Variants in ANKFY1 observed in about 807,000 individuals in gnomAD.
The protein encoded by ANKFY1 is ankyrin repeat and FYVE domain containing 1, also known as ankyrin repeat and FYVE domain-containing protein 1.
In ANKFY1, 47 loss-of-function variants were observed where a neutral mutation model predicts 128.3. The ratio of observed to expected loss-of-function variants is 0.37; its 90% confidence interval spans 0.29 to 0.47. The LOEUF is 0.47. Ranked by LOEUF, ANKFY1 falls within the 20% of genes least tolerant of loss-of-function variation. ANKFY1 has a pLI of 1.00. For synonymous variants in ANKFY1, 553 were observed against 601.6 expected, an observed-to-expected ratio of 0.92 and a Z score of 1.18; for missense variants, 1,222 against 1,510.6, an observed-to-expected ratio of 0.81 and a Z score of 3.17.
chr17:4,228,369 T>C (rs2060459567), intron 3 of ANKFY1, among the ~76,000 whole-genome samples: 1 of 151,904 alleles, frequency 6.6e-6, no homozygotes, highest in South Asian at 2.1e-4. Context: ...AGGGATGGAT[T>C]GCAAAGAGAC....
intron 3 of ANKFY1, among the ~76,000 whole-genome samples, chr17:4,228,067 T>C (rs2060454326): frequency 6.6e-6 from 1 of 151,964 alleles, no homozygotes; most frequent in Non-Finnish European, 1.5e-5. Context: ...TTCTTGCTAA[T>C]AAAACCCAGA....
At chr17:4,186,790 A>G in intron 11 of ANKFY1, 1 of 985,336 alleles carries the variant, frequency 1.0e-6, no homozygotes, top group Middle Eastern at 5.2e-4. Flanking sequence ...GTGCTGATCT[A>G]CTCCACGGCT....
rs115031852 is a variant in ANKFY1 at position 4,176,358 on chromosome 17, G to A, written c.2775+768C>T. Among the ~76,000 whole-genome samples the A allele has an allele frequency of 5.1e-3, 778 of 152,308 alleles. 6 individuals are homozygous for A. The highest frequency in any genetic ancestry group is 0.018 in the African/African-American group (757 of 41,554). On this transcript the variant is annotated intron_variant, in intron 19 of 24. Transcript: ENST00000341657. ...TCTGGGGCTGACAGGAGGGACCAGCGACAGCCAGCTCTGAGGAGCAGAGAC... is the reference window on the plus strand; with the variant it reads ...TCTGGGGCTGACAGGAGGGACCAGCAACAGCCAGCTCTGAGGAGCAGAGAC...
At chr17:4,234,128 T>C (rs947652174) in intron 3 of ANKFY1, among the ~76,000 whole-genome samples, 8 of 152,170 alleles carry the variant, frequency 5.3e-5, no homozygotes, top group Non-Finnish European at 8.8e-5. Context: ...CTGTACAGGG[T>C]TGTAGCCTAG....
At position 4,183,805 on chromosome 17, in the gene ANKFY1, G is replaced by A; in HGVS notation, c.1798+7C>T. On this transcript the variant is annotated splice_region_variant and intron_variant, in intron 13 of 24. Transcript: ENST00000341657. Reference sequence around the variant, plus strand: ...TGCAGACATCAGCGGCCCCGGCACAGCCTTACCAGTCCATAATGCCAGGCC... The same window carrying A: ...TGCAGACATCAGCGGCCCCGGCACAACCTTACCAGTCCATAATGCCAGGCC... The A allele has an allele frequency of 1.2e-6, 2 of 1,607,512 alleles. No individual in the cohort carries two copies. Among genetic ancestry groups the A allele is most frequent in the Non-Finnish European group, 1.7e-6 (2 of 1,173,988 alleles).
chr17:4,226,165 A>G (rs903806161), intron 3 of ANKFY1, among the ~76,000 whole-genome samples: 1 of 152,228 alleles, frequency 6.6e-6, no homozygotes, highest in Admixed American at 6.5e-5. Context: ...AAAAACTGAC[A>G]AAAATTAAAA....
intron 6 of ANKFY1, 68 bp from the exon 7 acceptor site, chr17:4,206,554 C>A: frequency 1.4e-6 from 2 of 1,421,136 alleles, no homozygotes; most frequent in South Asian, 1.2e-5. Context: ...ATTTCTCCCA[C>A]CTTGACCCTT....
rs572900652 is a variant in ANKFY1 at position 4,238,391 on chromosome 17, C to G, written c.204-2501G>C. 2.0e-5 allele frequency among the ~76,000 whole-genome samples: 3 copies of G among 152,182 alleles called. No individual in the cohort carries two copies. In the East Asian group the frequency reaches 5.8e-4, roughly 29 times the overall value. On this transcript the variant is annotated intron_variant, in intron 2 of 24. Transcript: ENST00000341657. Reference sequence around the variant, plus strand: ...AGTTACCACATCTCGACAGCTTAGTCCCCTATGAAGACTCCATTCCCTATC... The same window carrying G: ...AGTTACCACATCTCGACAGCTTAGTGCCCTATGAAGACTCCATTCCCTATC...
chr17:4,180,754 C>G (rs2059497092), intron 16 of ANKFY1, among the ~76,000 whole-genome samples: 1 of 109,230 alleles, frequency 9.2e-6, no homozygotes, highest in African/African-American at 3.5e-5. Flanking sequence ...GAGCAAGACT[C>G]TGTCTCAAAA....
intron 7 of ANKFY1, 71 bp from the exon 8 acceptor site, chr17:4,197,648 C>A: frequency 7.2e-7 from 1 of 1,394,284 alleles, no homozygotes; most frequent in Non-Finnish European, 1.0e-6. Context: ...CAAGAGGGAG[C>A]AGAAAATGAC....
Position 4,185,055 on chromosome 17 carries a change from AAAC to A in ANKFY1, c.1471-12_1471-10del. On this transcript the variant is annotated splice_polypyrimidine_tract_variant and intron_variant, in intron 11 of 24. Transcript: ENST00000341657. ...TGCAACGGGGTTTCTCCCTGAATGGAAACAAATGGCCGAAATCTGAGCACTCAC... is the reference window on the plus strand; with the variant it reads ...TGCAACGGGGTTTCTCCCTGAATGGAAAATGGCCGAAATCTGAGCACTCAC... 1 of 1,609,870 alleles carries A rather than the reference AAAC, an allele frequency of 6.2e-7. No individual in the cohort carries two copies. The highest frequency in any genetic ancestry group is 8.5e-7 in the Non-Finnish European group (1 of 1,179,074).
intron 19 of ANKFY1, among the ~76,000 whole-genome samples, chr17:4,175,348 A>T (rs2059394014): frequency 6.6e-6 from 1 of 150,936 alleles, no homozygotes. Context: ...AGGAAAAAGA[A>T]AAAAAAAAGA....
In ANKFY1 at chr17:4,222,876, G is replaced by C. The variant is rs539221662; in HGVS notation, c.323-5758C>G. 10 of 981,094 alleles carry C rather than the reference G, an allele frequency of 1.0e-5. No individual in the cohort carries two copies. The East Asian group carries it at 2.1e-4, about 21-fold the overall frequency. The allele number at this position is 981,094 out of a possible 1,614,324, so 60.8% of individuals were successfully genotyped here. ...CACCCAGACGACTCAGTATCCGAGA[G>C]CTGACACACCCAACAATCCAACTCC... On this transcript the variant is annotated intron_variant, in intron 3 of 24. Coordinates refer to ENST00000341657, the MANE Select transcript of ANKFY1 (RefSeq NM_001330063.2).
intron 19 of ANKFY1, among the ~76,000 whole-genome samples, chr17:4,174,354 G>A (rs1261409941): frequency 2.6e-5 from 4 of 152,178 alleles, no homozygotes; most frequent in Non-Finnish European, 4.4e-5. Context: ...AGTGATGGCC[G>A]CTGTACTATC....
chr17:4,254,134 T>C (rs1188088325), intron 1 of ANKFY1, among the ~76,000 whole-genome samples: 1 of 151,744 alleles, frequency 6.6e-6, no homozygotes, highest in African/African-American at 2.4e-5. Flanking sequence ...TGAAACCCCA[T>C]CTCTACTAAA....
chr17:4,249,468 A>C (rs1967722272), intron 1 of ANKFY1, among the ~76,000 whole-genome samples: 1 of 152,198 alleles, frequency 6.6e-6, no homozygotes, highest in Non-Finnish European at 1.5e-5. Flanking sequence ...TCTTAGCTTA[A>C]GGACTGCATA....
intron 1 of ANKFY1, among the ~76,000 whole-genome samples, chr17:4,251,240 C>T (rs1967809060): frequency 1.3e-5 from 2 of 152,034 alleles, no homozygotes; most frequent in Admixed American, 6.6e-5. Context: ...TCCTAGACAC[C>T]ACTACATATA....
chr17:4,240,023 T>C (rs1967120191), intron 2 of ANKFY1, among the ~76,000 whole-genome samples: 1 of 151,016 alleles, frequency 6.6e-6, no homozygotes. Flanking sequence ...CTCACCCTGC[T>C]CTTTTCTCTT....
Position 4,197,497 on chromosome 17 carries a change from G to A in ANKFY1, c.979C>T (p.Leu327=). The A allele has an allele frequency of 6.2e-7, 1 of 1,614,242 alleles. No individual in the cohort carries two copies. Among genetic ancestry groups the A allele is most frequent in the South Asian group, 1.1e-5 (1 of 91,086 alleles). Residue 327 remains leucine (L), a synonymous_variant, in exon 8 of 25, where the codon CTG becomes TTG. Transcript: ENST00000341657. ...GAACTGTACAAGGCCACAAGGTGCA[G>A]TGGTGTCTCCTGGGCACCCAGTGTA... is the stretch of plus-strand genomic sequence containing the variant. The part of the protein sequence containing the change: ...AATLGAQETP[L]HLVALYSSKK...
Sources: gnomAD v4.1 joint callset for allele counts (sites outside exome capture counted in the v4.1 genomes callset) on GRCh38, gnomAD v4.1.1 for gene constraint, MANE v1.5 for transcripts, NCBI Gene and HGNC (gene_info 2026-07-23, HGNC 2026-07-21) for gene names.